The following TAFA2 variants were observed in gnomAD, a reference collection of about 807,000 sequenced individuals.
TAFA2 encodes the protein TAFA chemokine like family member 2.
In TAFA2, 7 loss-of-function variants were observed where a neutral mutation model predicts 18.8. The observed-to-expected ratio is 0.37, with a 90% CI of 0.21 to 0.70. The LOEUF is 0.70. TAFA2 is among the 30% of genes least tolerant of loss of function. The pLI is 0.53. For synonymous variants in TAFA2, 60 were observed against 54.2 expected (o/e 1.11, Z -0.47); for missense variants, 122 against 158.1 (o/e 0.77, Z 1.23).
At chr12:61,740,729 G>C (rs183379245) in intron 4 of TAFA2, among the ~76,000 whole-genome samples, 1 of 151,594 alleles carries the variant, frequency 6.6e-6, no homozygotes, top group Admixed American at 6.6e-5. Context: ...GTCACCAGAA[G>C]AGAATAAGCA....
chr12:62,117,736 T>G (rs1297299942), intron 1 of TAFA2, among the ~76,000 whole-genome samples: 1 of 152,172 alleles, frequency 6.6e-6, no homozygotes, highest in Non-Finnish European at 1.5e-5. Context: ...AAAGCTGTTT[T>G]TCTTATAACA....
intron 1 of TAFA2, among the ~76,000 whole-genome samples, chr12:62,088,549 A>G (rs944500241): frequency 6.8e-6 from 1 of 147,838 alleles, no homozygotes; most frequent in Admixed American, 6.8e-5. Context: ...GGAAGATTTT[A>G]TGCTACGAAG....
At chr12:61,879,462 TG>T in intron 1 of TAFA2, 1 of 690,894 alleles carries the variant, frequency 1.4e-6, no homozygotes, top group Non-Finnish European at 2.6e-6. Flanking sequence ...GCTTCCAGGG[TG>T]GCCTGGGTGG....
upstream of TAFA2, among the ~76,000 whole-genome samples, chr12:62,197,198 T>C (rs2136965595): frequency 6.6e-6 from 1 of 152,296 alleles, no homozygotes; most frequent in African/African-American, 2.4e-5. Flanking sequence ...AAAAAAATTG[T>C]CCTCCATGAA....
intron 2 of TAFA2, among the ~76,000 whole-genome samples, chr12:61,839,440 C>T (rs1339938664): frequency 1.3e-5 from 2 of 152,038 alleles, no homozygotes; most frequent in East Asian, 3.9e-4. Flanking sequence ...TGAAAAAACA[C>T]ACATGCCCTT....
At chr12:62,100,476 G>A (rs1869146354) in intron 1 of TAFA2, among the ~76,000 whole-genome samples, 1 of 152,002 alleles carries the variant, frequency 6.6e-6, no homozygotes, top group African/African-American at 2.4e-5. Context: ...TGAGATTTCT[G>A]GTATACTAGC....
intron 2 of TAFA2, among the ~76,000 whole-genome samples, chr12:61,774,098 A>AT (rs964798536): frequency 6.6e-6 from 1 of 152,044 alleles, no homozygotes; most frequent in Non-Finnish European, 1.5e-5. Flanking sequence ...ATATGAAAAA[A>AT]TGCTCAATAT....
intron 1 of TAFA2, among the ~76,000 whole-genome samples, chr12:62,058,968 T>C (rs988695009): frequency 1.3e-5 from 2 of 152,042 alleles, no homozygotes; most frequent in Non-Finnish European, 2.9e-5. Context: ...CCTGGCGTGG[T>C]GGCGGGCGCC....
chr12:62,141,849 A>G (rs1251663525), intron 1 of TAFA2, among the ~76,000 whole-genome samples: 1 of 152,188 alleles, frequency 6.6e-6, no homozygotes, highest in Non-Finnish European at 1.5e-5. Flanking sequence ...TCAGTCAACT[A>G]AGAAAAATTG....
chr12:62,222,688 T>TC lies in TAFA2; in HGVS notation c.-130+36074_-130+36075insG, dbSNP rs1224947507. Among the ~76,000 whole-genome samples, 123 of 150,766 alleles carry TC rather than the reference T, an allele frequency of 8.2e-4. 1 individual carries two copies. Among genetic ancestry groups the TC allele is most frequent in the African/African-American group, 2.6e-3 (106 of 40,952 alleles). On this transcript the variant is annotated intron_variant, in intron 1 of 5. Transcript: ENST00000551619. Reference sequence around the variant, plus strand: ...CGCCCAGCTAATTTTTTTTTTTTTTTTATTTTTAGTAGAGATGGGGTTTCA... The same window carrying TC: ...CGCCCAGCTAATTTTTTTTTTTTTTTCTATTTTTAGTAGAGATGGGGTTTCA...
At chr12:62,075,630 A>T (rs2136810743) in intron 1 of TAFA2, among the ~76,000 whole-genome samples, 1 of 152,358 alleles carries the variant, frequency 6.6e-6, no homozygotes, top group African/African-American at 2.4e-5. Flanking sequence ...CATTCATTTC[A>T]GCAGCTTAGC....
intron 1 of TAFA2, among the ~76,000 whole-genome samples, chr12:62,155,886 A>C (rs1592371144): frequency 1.3e-5 from 2 of 152,378 alleles, no homozygotes; most frequent in South Asian, 4.1e-4. Flanking sequence ...TGGCCTAGGC[A>C]AGGATTTCAT....
At chr12:62,207,426 A>G (rs1207120663) in intron 1 of TAFA2, among the ~76,000 whole-genome samples, 1 of 152,100 alleles carries the variant, frequency 6.6e-6, no homozygotes, top group Non-Finnish European at 1.5e-5. Context: ...GGAAATCTTG[A>G]AAAATGCTGA....
At chr12:61,854,881 A>G (rs548446670) in intron 2 of TAFA2, among the ~76,000 whole-genome samples, 2 of 152,220 alleles carry the variant, frequency 1.3e-5, no homozygotes, top group African/African-American at 4.8e-5. Flanking sequence ...CTAAAAAACA[A>G]TGAAGATATA....
chr12:61,945,706 A>G (rs1273576306), intron 1 of TAFA2, among the ~76,000 whole-genome samples: 3 of 140,600 alleles, frequency 2.1e-5, no homozygotes, highest in Non-Finnish European at 3.1e-5. Context: ...CCCATTCACA[A>G]TTGCTTCAAA....
intron 1 of TAFA2, among the ~76,000 whole-genome samples, chr12:61,925,992 G>A (rs1877273525): frequency 6.6e-6 from 1 of 151,876 alleles, no homozygotes; most frequent in Non-Finnish European, 1.5e-5. Flanking sequence ...GAATCAAATA[G>A]ACACAATAAA....
intron 1 of TAFA2, among the ~76,000 whole-genome samples, chr12:62,010,566 C>T (rs1027584468): frequency 1.4e-5 from 2 of 146,840 alleles, no homozygotes; most frequent in Admixed American, 6.7e-5. Flanking sequence ...ACAGTCTCTG[C>T]CCAGCCGCCA....
chr12:62,215,462 C>A (rs904472936), intron 1 of TAFA2, among the ~76,000 whole-genome samples: 3 of 151,420 alleles, frequency 2.0e-5, no homozygotes, highest in Non-Finnish European at 4.4e-5. Flanking sequence ...TGCTATTCAA[C>A]TCTGCTTTTT....
At chr12:62,224,713 A>G (rs1271248909) in intron 1 of TAFA2, among the ~76,000 whole-genome samples, 3 of 152,078 alleles carry the variant, frequency 2.0e-5, no homozygotes, top group Non-Finnish European at 4.4e-5. Flanking sequence ...AGGGATGGGG[A>G]GTTATTGTTT....
Sources: gnomAD v4.1 joint callset for allele counts (sites outside exome capture counted in the v4.1 genomes callset) on GRCh38, gnomAD v4.1.1 for gene constraint, MANE v1.5 for transcripts, NCBI Gene and HGNC (gene_info 2026-07-23, HGNC 2026-07-21) for gene names.